GFRA1: variants seen among roughly 807,000 people sequenced by gnomAD.
The protein encoded by GFRA1 is GDNF family receptor alpha 1.
A neutral mutation model predicts 51.6 loss-of-function variants in GFRA1; 16 were observed. The observed-to-expected ratio is 0.31, with a 90% CI of 0.21 to 0.47. The LOEUF is 0.47. Ranked by LOEUF, GFRA1 falls within the 20% of genes least tolerant of loss-of-function variation. The pLI, the probability that GFRA1 is intolerant of heterozygous loss-of-function variation, is 1.00. For synonymous variants in GFRA1, 270 were observed against 241.3 expected, an observed-to-expected ratio of 1.12 and a Z score of -1.10; for missense variants, 530 against 594.3, an observed-to-expected ratio of 0.89 and a Z score of 1.13.
intron 5 of GFRA1, among the ~76,000 whole-genome samples, chr10:116,157,333 G>T (rs898145266): frequency 3.9e-5 from 6 of 152,122 alleles, no homozygotes; most frequent in African/African-American, 1.4e-4. Flanking sequence ...GCTAGATCTG[G>T]GTATCAGATG....
At chr10:116,084,709 T>G (rs527792304) in intron 9 of GFRA1, among the ~76,000 whole-genome samples, 1 of 151,630 alleles carries the variant, frequency 6.6e-6, no homozygotes, top group Admixed American at 6.6e-5. Context: ...TGTACAATGA[T>G]GCAAAATAGA....
At chr10:116,086,319 A>C (rs1956098016) in intron 9 of GFRA1, among the ~76,000 whole-genome samples, 1 of 152,242 alleles carries the variant, frequency 6.6e-6, no homozygotes, top group Admixed American at 6.5e-5. Flanking sequence ...AAAGGAACCA[A>C]GTGGCTACTG....
At chr10:116,178,823 T>G (rs1961915230) in intron 5 of GFRA1, among the ~76,000 whole-genome samples, 1 of 152,220 alleles carries the variant, frequency 6.6e-6, no homozygotes, top group Non-Finnish European at 1.5e-5. Flanking sequence ...TCTCATTCTC[T>G]TTAGGGTCCT....
intron 4 of GFRA1, among the ~76,000 whole-genome samples, chr10:116,235,231 A>C (rs1432487384): frequency 2.0e-5 from 3 of 152,144 alleles, no homozygotes; most frequent in African/African-American, 7.2e-5. Context: ...AGACAGAGGG[A>C]AGACACATGT....
At position 116,166,780 on chromosome 10, in the gene GFRA1, C is replaced by CT. The variant is rs530399969; in HGVS notation, c.434-41224dup. Among the ~76,000 whole-genome samples the CT allele has an allele frequency of 4.4e-3, 340 of 76,452 alleles. 2 individuals are homozygous for CT. The highest frequency in any genetic ancestry group is 7.1e-3 in the East Asian group (17 of 2,394). The allele number at this position is 76,452 out of a possible 152,430, so 50.2% of individuals were successfully genotyped here. On this transcript the variant is annotated intron_variant, in intron 5 of 10. Transcript: ENST00000355422. ...TCCCTTGAAGGATAGCAACAATCTT[C>CT]TTTTTTTTTTTTTTTTTTTTTTTTT...
chr10:116,197,187 G>A lies in GFRA1; in HGVS notation c.433+14444C>T, dbSNP rs569817415. 2.3e-4 allele frequency among the ~76,000 whole-genome samples: 35 copies of A among 152,132 alleles called. No homozygotes were observed. The East Asian group carries it at 6.8e-3, about 29-fold the overall frequency. ...CCGAGGCAACAGTATTAGGAGGTGG[G>A]GGCTTTGGGAGGTGATTAATTCATG... On this transcript the variant is annotated intron_variant, in intron 5 of 10. Coordinates refer to ENST00000355422, the MANE Select transcript of GFRA1 (RefSeq NM_005264.8).
At chr10:116,121,813 G>A (rs1306331095) in intron 6 of GFRA1, among the ~76,000 whole-genome samples, 4 of 152,160 alleles carry the variant, frequency 2.6e-5, no homozygotes, top group Non-Finnish European at 5.9e-5. Context: ...CAACTGTAAT[G>A]TGAGACCCAA....
At chr10:116,120,217 T>C (rs1261149860) in intron 6 of GFRA1, among the ~76,000 whole-genome samples, 1 of 152,174 alleles carries the variant, frequency 6.6e-6, no homozygotes, top group Non-Finnish European at 1.5e-5. Flanking sequence ...CGCTGACCAA[T>C]TTCCTTTTGA....
intron 9 of GFRA1, among the ~76,000 whole-genome samples, chr10:116,085,969 T>C (rs1476890394): frequency 1.3e-5 from 2 of 152,156 alleles, no homozygotes; most frequent in Admixed American, 6.5e-5. Context: ...CACTGTCTAT[T>C]CTTCATCCAG....
rs201936702 is a variant in GFRA1 at position 116,232,827 on chromosome 10, CT to C, written c.419-21183del. On this transcript the variant is annotated intron_variant, in intron 4 of 10. Transcript: ENST00000355422. ...CACTGTTGCCAGGCTGAGGCCCCGT[CT>C]TTGATAAGCCCATTCAGAGATAACT... Among the ~76,000 whole-genome samples the C allele has an allele frequency of 9.5e-3, 1,447 of 152,276 alleles. 25 individuals are homozygous for C. Among genetic ancestry groups the C allele is most frequent in the African/African-American group, 0.033 (1,389 of 41,540 alleles).
rs1220622604 is a variant in GFRA1 at position 116,272,346 on chromosome 10, C to A, written c.-246-71G>T. The stretch of plus-strand genomic sequence containing the variant: ...GACTCCCCCCACAGAACCCTCTCCC[C>A]TCCCCCGTTCCCGCCTTTGGGGAAT... On this transcript the variant is annotated intron_variant, in intron 1 of 10. Coordinates refer to ENST00000355422, the MANE Select transcript of GFRA1 (RefSeq NM_005264.8). This position sits in a 1 kb window ranked among gnomAD's most constrained non-coding sequence, Gnocchi z 4.4. 8.3e-6 allele frequency: 4 copies of A among 483,214 alleles called. No individual in the cohort carries two copies. The East Asian group carries it at 1.5e-4, about 18-fold the overall frequency. 29.9% of individuals were successfully genotyped at this position (483,214 alleles called of 1,614,324 possible).
intron 6 of GFRA1, among the ~76,000 whole-genome samples, chr10:116,102,036 A>C (rs558887934): frequency 6.6e-6 from 1 of 152,312 alleles, no homozygotes; most frequent in African/African-American, 2.4e-5. Flanking sequence ...GTTTTCTTCG[A>C]GTCTTGAGAA....
intron 7 of GFRA1, among the ~76,000 whole-genome samples, chr10:116,095,102 C>T (rs1333953898): frequency 6.6e-6 from 1 of 152,224 alleles, no homozygotes; most frequent in Non-Finnish European, 1.5e-5. Flanking sequence ...GGAAAAACTT[C>T]ATGGAAATGC....
rs116495690 is a variant in GFRA1 at position 116,068,130 on chromosome 10, C to A, written c.1198-2504G>T. Among the ~76,000 whole-genome samples the A allele has an allele frequency of 7.3e-3, 1,113 of 152,298 alleles. 10 individuals carry two copies. The highest frequency in any genetic ancestry group is 0.026 in the African/African-American group (1,067 of 41,564). ...CGCAGCCAGATCCCTACAGGGGATG[C>A]TCTGAGAAAATGCCTTCTCTCCCGT... On this transcript the variant is annotated intron_variant, in intron 9 of 10. Transcript: ENST00000355422.
chr10:116,089,792 C>A lies in GFRA1; in HGVS notation c.1146G>T (p.Gly382=). ...RVKNKPLGPA[G]SENEIPTHVL... is the part of the protein sequence containing the mutation. ...CATGAGTGGGAATTTCATTCTCAGA[C>A]CCTGCTGGCCCCAGGGGCTTGTTCT... The change falls in exon 9 of 11, where the codon GGG becomes GGT. Residue 382 remains glycine (G), a synonymous_variant. Transcript: ENST00000355422. 2 of 1,614,154 alleles carry A rather than the reference C, an allele frequency of 1.2e-6. No individual in the cohort carries two copies. The highest frequency in any genetic ancestry group is 1.7e-4 in the Middle Eastern group (1 of 6,060).
intron 4 of GFRA1, 33 bp from the exon 5 acceptor site, chr10:116,211,678 GA>G: frequency 6.5e-7 from 1 of 1,535,460 alleles, no homozygotes; most frequent in Non-Finnish European, 8.8e-7. Flanking sequence ...GGGGAGGGGA[GA>G]GGGGAGAAAG....
At chr10:116,193,674 C>A (rs866460647) in intron 5 of GFRA1, among the ~76,000 whole-genome samples, 1 of 152,172 alleles carries the variant, frequency 6.6e-6, no homozygotes, top group South Asian at 2.1e-4. Flanking sequence ...GGTATTCTTG[C>A]ATTTAGACCT....
intron 4 of GFRA1, among the ~76,000 whole-genome samples, chr10:116,215,787 C>A (rs7923696): frequency 0.98 from 148,763 of 152,192 alleles, 72,792 homozygotes; most frequent in South Asian, 1. Flanking sequence ...CTTCAGACAA[C>A]GCTCTGCTCA....
At chr10:116,181,537 G>C (rs143473850) in intron 5 of GFRA1, among the ~76,000 whole-genome samples, 1 of 152,124 alleles carries the variant, frequency 6.6e-6, no homozygotes, top group Non-Finnish European at 1.5e-5. Context: ...ATAATATCTC[G>C]ATGAGCTATT....
Sources: allele counts gnomAD v4.1 joint callset (sites outside exome capture counted in the v4.1 genomes callset), GRCh38; gene constraint gnomAD v4.1.1; non-coding constraint Gnocchi (gnomAD v3.1); transcripts MANE v1.5; gene names NCBI Gene and HGNC (gene_info 2026-07-23, HGNC 2026-07-21).